Variants in IL1RAPL2 observed in about 807,000 individuals in gnomAD.
IL1RAPL2 encodes the protein X-linked interleukin-1 receptor accessory protein-like 2.
Under a neutral mutation model 44.1 loss-of-function variants are expected in IL1RAPL2, and 3 were observed. That is an observed-to-expected ratio of 0.07 (90% CI 0.03 to 0.18). The LOEUF (loss-of-function observed/expected upper bound fraction) is 0.18. Ranked by LOEUF, IL1RAPL2 falls within the 10% of genes least tolerant of loss-of-function variation. IL1RAPL2 has a pLI of 1.00. For missense variants in IL1RAPL2, 391 were observed against 496.4 expected, an observed-to-expected ratio of 0.79 and a Z score of 2.02; for synonymous variants, 181 against 178.8, an observed-to-expected ratio of 1.01 and a Z score of -0.10.
chrX:104,652,489 G>T (rs1017844067), intron 1 of IL1RAPL2, among the ~76,000 whole-genome samples: 3 of 111,787 alleles, frequency 2.7e-5, no homozygotes, highest in Admixed American at 1.9e-4. Flanking sequence ...TTAGTTATGT[G>T]TCAGGCTCTA....
chrX:104,917,223 A>G (rs1376362174), intron 2 of IL1RAPL2, among the ~76,000 whole-genome samples: 1 of 111,438 alleles, frequency 9.0e-6, no homozygotes, highest in African/African-American at 3.3e-5. Context: ...TTGGTAAGCT[A>G]TTGATTATTG....
intron 1 of IL1RAPL2, among the ~76,000 whole-genome samples, chrX:104,610,277 G>T (rs1402241361): frequency 9.0e-6 from 1 of 110,568 alleles, no homozygotes; most frequent in East Asian, 2.9e-4. Context: ...GGAAGTTCTG[G>T]CCAGGGTAAT....
chrX:104,670,528 C>T (rs902786773), intron 2 of IL1RAPL2, among the ~76,000 whole-genome samples: 5 of 111,329 alleles, frequency 4.5e-5, no homozygotes, highest in Admixed American at 9.5e-5. Flanking sequence ...AGCCATCTGG[C>T]GTCCTTCAAT....
At chrX:105,067,927 T>C (rs1161971781) in intron 2 of IL1RAPL2, among the ~76,000 whole-genome samples, 2 of 112,031 alleles carry the variant, frequency 1.8e-5, no homozygotes, top group Non-Finnish European at 3.8e-5. Flanking sequence ...CTTGGTCTGG[T>C]TTATGAATAC....
chrX:104,755,186 G>T (rs1374835934), intron 2 of IL1RAPL2, among the ~76,000 whole-genome samples: 1 of 110,861 alleles, frequency 9.0e-6, no homozygotes, highest in Non-Finnish European at 1.9e-5. Context: ...AATATTCTGG[G>T]CAGAGAGTAT....
chrX:105,263,578 C>T (rs2034377680), intron 4 of IL1RAPL2, among the ~76,000 whole-genome samples: 1 of 111,576 alleles, frequency 9.0e-6, no homozygotes, highest in Admixed American at 9.5e-5. Context: ...CAACAGGTTA[C>T]TTTAGGGTTC....
At chrX:104,919,833 G>T (rs1200788476) in intron 2 of IL1RAPL2, among the ~76,000 whole-genome samples, 1 of 109,949 alleles carries the variant, frequency 9.1e-6, no homozygotes, top group African/African-American at 3.3e-5. Context: ...GAGCCACTGC[G>T]CCCAGCCCAG....
intron 6 of IL1RAPL2, among the ~76,000 whole-genome samples, chrX:105,535,502 A>T (rs1472971364): frequency 8.9e-6 from 1 of 112,244 alleles, no homozygotes; most frequent in Non-Finnish European, 1.9e-5. Flanking sequence ...ATAAACACAC[A>T]TGAATGTTCA....
intron 2 of IL1RAPL2, among the ~76,000 whole-genome samples, chrX:104,931,996 ATTT>A (rs34874206): frequency 9.4e-5 from 8 of 84,786 alleles, no homozygotes; most frequent in African/African-American, 3.8e-4. Context: ...ATATATATAT[ATTT>A]TTTTTTTTTT....
At chrX:105,487,091 CAA>C (rs397896906) in intron 6 of IL1RAPL2, among the ~76,000 whole-genome samples, 1,263 of 38,312 alleles carry the variant, frequency 0.033, 27 homozygotes, top group African/African-American at 0.093. Flanking sequence ...GACTCCATCT[CAA>C]AAAAAAAAAA....
At chrX:105,575,699 T>A (rs764617173) in intron 6 of IL1RAPL2, among the ~76,000 whole-genome samples, 2 of 112,568 alleles carry the variant, frequency 1.8e-5, no homozygotes, top group East Asian at 5.6e-4. Flanking sequence ...AGTAATGGGA[T>A]TGCTAGGTGG....
chrX:105,034,651 A>C lies in IL1RAPL2; in HGVS notation c.83-160824A>C, dbSNP rs746782145. ...TCATGTGAGGTGTCAGTCTGCCCCT[A>C]CTGGGGGGTGCCTCCCAGTTAGGCT... is the stretch of plus-strand genomic sequence containing the variant. On this transcript the variant is annotated intron_variant, in intron 2 of 10. Transcript: ENST00000372582. 1.6e-4 allele frequency among the ~76,000 whole-genome samples: 18 copies of C among 111,823 alleles called. No individual in the cohort carries two copies. In the East Asian group the frequency reaches 5.2e-3, roughly 32 times the overall value.
chrX:105,306,418 A>T (rs763199986), intron 5 of IL1RAPL2, among the ~76,000 whole-genome samples: 25 of 111,612 alleles, frequency 2.2e-4, no homozygotes, highest in South Asian at 3.7e-4. Context: ...AAATTTGTGT[A>T]ATTTTCTTAA....
chrX:105,434,394 T>C (rs886585499), intron 5 of IL1RAPL2, among the ~76,000 whole-genome samples: 22 of 111,976 alleles, frequency 2.0e-4, no homozygotes, highest in Admixed American at 1.7e-3. Context: ...TGCGTAAAAA[T>C]ATATACATGA....
intron 2 of IL1RAPL2, among the ~76,000 whole-genome samples, chrX:105,007,323 G>C (rs767631621): frequency 9.0e-6 from 1 of 111,462 alleles, no homozygotes; most frequent in South Asian, 3.7e-4. Context: ...TTATTTTGTA[G>C]ATGTGGAAAC....
intron 2 of IL1RAPL2, among the ~76,000 whole-genome samples, chrX:104,677,918 G>A (rs922299290): frequency 8.9e-6 from 1 of 112,432 alleles, no homozygotes; most frequent in Non-Finnish European, 1.9e-5. Flanking sequence ...GACCCCTTGC[G>A]CTTCCCCAGT....
At chrX:104,976,493 AAAAG>A (rs1338907295) in intron 2 of IL1RAPL2, among the ~76,000 whole-genome samples, 1 of 111,922 alleles carries the variant, frequency 8.9e-6, no homozygotes, top group Non-Finnish European at 1.9e-5. Flanking sequence ...TAACAATAGG[AAAAG>A]AAAATGTTGT....
At chrX:105,195,864 A>G in intron 3 of IL1RAPL2, 116 bp downstream of exon 3, 1 of 698,793 alleles carries the variant, frequency 1.4e-6, no homozygotes, top group Non-Finnish European at 2.2e-6. Context: ...GAAAGGTTGC[A>G]GTACATGTGG....
At chrX:105,437,322 G>T in intron 5 of IL1RAPL2, among the ~76,000 whole-genome samples, 1 of 110,003 alleles carries the variant, frequency 9.1e-6, no homozygotes, top group South Asian at 3.8e-4. Flanking sequence ...GACTTTACAA[G>T]CAATGCTACA....
Sources: gnomAD v4.1 joint callset for allele counts (sites outside exome capture counted in the v4.1 genomes callset) on GRCh38, gnomAD v4.1.1 for gene constraint, MANE v1.5 for transcripts, NCBI Gene and HGNC (gene_info 2026-07-23, HGNC 2026-07-21) for gene names.